The following ATP8A2 variants were observed in gnomAD, a reference collection of about 807,000 sequenced individuals.
ATP8A2 encodes the protein phospholipid-transporting ATPase IB.
A neutral mutation model predicts 165.6 loss-of-function variants in ATP8A2; 100 were observed. That is an observed-to-expected ratio of 0.60 (90% CI 0.51 to 0.71). The LOEUF (loss-of-function observed/expected upper bound fraction) is 0.71. Among genes scored for constraint, ATP8A2 ranks in the 30% least tolerant of loss-of-function variants. The pLI, the probability that ATP8A2 is intolerant of heterozygous loss-of-function variation, is 0.00. For synonymous variants in ATP8A2, 543 were observed against 548.8 expected (o/e 0.99, Z 0.15); for missense variants, 1,227 against 1,479.5 (o/e 0.83, Z 2.80).
At chr13:25,942,642 T>C (rs1465752887) in intron 33 of ATP8A2, among the ~76,000 whole-genome samples, 1 of 152,212 alleles carries the variant, frequency 6.6e-6, no homozygotes, top group Non-Finnish European at 1.5e-5. Context: ...CAGGCTGGTC[T>C]CAAATCCCTG....
intron 2 of ATP8A2, among the ~76,000 whole-genome samples, chr13:25,489,408 G>A (rs1336552290): frequency 6.6e-6 from 1 of 152,144 alleles, no homozygotes; most frequent in East Asian, 1.9e-4. Context: ...TTTCTTCCTC[G>A]TCCTGCATCT....
chr13:25,623,328 T>G (rs533626953), intron 24 of ATP8A2, among the ~76,000 whole-genome samples: 1 of 152,174 alleles, frequency 6.6e-6, no homozygotes, highest in East Asian at 1.9e-4. Flanking sequence ...CCCAGGAGTT[T>G]GAGGTTGTAG....
chr13:25,559,870 CAGGA>C, intron 15 of ATP8A2, 105 bp downstream of exon 15: 1 of 846,314 alleles, frequency 1.2e-6, no homozygotes, highest in Non-Finnish European at 1.9e-6. Flanking sequence ...CTCTATTGCA[CAGGA>C]TGGAGTGCAG....
chr13:25,469,615 C>G (rs1459561249), intron 2 of ATP8A2, among the ~76,000 whole-genome samples: 1 of 152,066 alleles, frequency 6.6e-6, no homozygotes. Flanking sequence ...GAAACTTTGC[C>G]CAGAGTTAGC....
intron 33 of ATP8A2, among the ~76,000 whole-genome samples, chr13:25,954,144 G>T (rs1231783289): frequency 6.6e-6 from 1 of 152,204 alleles, no homozygotes; most frequent in Admixed American, 6.5e-5. Context: ...GTCTGAAGTT[G>T]ACCTGGGACA....
rs144877276 is a variant in ATP8A2, at chr13:25,814,973, G to C, written c.2680-13145G>C. Among the ~76,000 whole-genome samples the C allele has an allele frequency of 3.0e-3, 464 of 152,142 alleles. 5 individuals are homozygous for C. Among genetic ancestry groups the C allele is most frequent in the African/African-American group, 0.01 (434 of 41,492 alleles). The stretch of plus-strand genomic sequence containing the variant: ...CCTGAGTCCTGGGGAGGCTGAGGCT[G>C]CAGTAGGCCGTGATTATACCACTGC... On this transcript the variant is annotated intron_variant, in intron 27 of 36. Coordinates refer to ENST00000381655, the MANE Select transcript of ATP8A2 (RefSeq NM_016529.6).
intron 35 of ATP8A2, among the ~76,000 whole-genome samples, chr13:25,984,267 A>G (rs2139266528): frequency 6.6e-6 from 1 of 151,896 alleles, no homozygotes; most frequent in East Asian, 1.9e-4. Flanking sequence ...GAGTAATGAA[A>G]AGTTTGGTGT....
rs144518199 is a variant in ATP8A2 at position 26,011,666 on chromosome 13, G to A, written c.3378-865G>A. Among the ~76,000 whole-genome samples the A allele has an allele frequency of 1.4e-4, 22 of 152,304 alleles. No homozygotes were observed. The East Asian group carries it at 4.1e-3, about 28-fold the overall frequency. ...AGAAATAAACAGACTGGGCATGGTG[G>A]CTCACACCTGTAATCCTAGCACTTT... is the stretch of plus-strand genomic sequence containing the variant. On this transcript the variant is annotated intron_variant, in intron 35 of 36. Coordinates refer to ENST00000381655, the MANE Select transcript of ATP8A2 (RefSeq NM_016529.6).
At chr13:25,983,507 C>T (rs545025889) in intron 35 of ATP8A2, among the ~76,000 whole-genome samples, 36 of 152,198 alleles carry the variant, frequency 2.4e-4, no homozygotes, top group African/African-American at 8.4e-4. Context: ...TTTAAAAATG[C>T]CTGTGAGTAG....
At chr13:25,973,595 A>G (rs183227669) in intron 35 of ATP8A2, among the ~76,000 whole-genome samples, 1 of 151,878 alleles carries the variant, frequency 6.6e-6, no homozygotes, top group Admixed American at 6.6e-5. Context: ...AACAACACAA[A>G]CTCCCGAATG....
chr13:25,395,610 A>T (rs2033394964), intron 1 of ATP8A2, among the ~76,000 whole-genome samples: 1 of 152,304 alleles, frequency 6.6e-6, no homozygotes, highest in African/African-American at 2.4e-5. Context: ...ATCATAGCTC[A>T]CTGCAGCCTT....
chr13:25,593,461 A>T lies in ATP8A2; in HGVS notation c.2211+3762A>T, dbSNP rs529671235. ...AAATAACTTCTAAGCTCCATAATATAGATGAGATCAGTGGTCTTTGAACAA... is the reference window on the plus strand; with the variant it reads ...AAATAACTTCTAAGCTCCATAATATTGATGAGATCAGTGGTCTTTGAACAA... On this transcript the variant is annotated intron_variant, in intron 24 of 36. Transcript: ENST00000381655. Among the ~76,000 whole-genome samples the T allele has an allele frequency of 1.2e-4, 19 of 152,320 alleles. No individual in the cohort carries two copies. The South Asian group carries it at 3.1e-3, about 25-fold the overall frequency.
At chr13:25,637,590 A>G (rs886428911) in intron 24 of ATP8A2, among the ~76,000 whole-genome samples, 3 of 152,182 alleles carry the variant, frequency 2.0e-5, no homozygotes, top group African/African-American at 7.2e-5. Context: ...AGGCTTGAGT[A>G]GGTAAACAAA....
chr13:25,558,574 G>A (rs1258149620), intron 13 of ATP8A2, among the ~76,000 whole-genome samples: 3 of 152,168 alleles, frequency 2.0e-5, no homozygotes, highest in Non-Finnish European at 4.4e-5. Flanking sequence ...CACTCAGCAA[G>A]TCCTGACGCC....
intron 30 of ATP8A2, among the ~76,000 whole-genome samples, chr13:25,844,364 G>A (rs1474109411): frequency 2.0e-5 from 3 of 151,946 alleles, no homozygotes; most frequent in Admixed American, 6.6e-5. Context: ...CTGAGTAGCT[G>A]GAATTACAGG....
chr13:25,386,250 C>G (rs945388172), intron 1 of ATP8A2, among the ~76,000 whole-genome samples: 1 of 152,158 alleles, frequency 6.6e-6, no homozygotes, highest in Non-Finnish European at 1.5e-5. Flanking sequence ...TAAAAGTCTG[C>G]TCACATCGGT....
intron 33 of ATP8A2, chr13:25,880,762 A>C: frequency 2.7e-6 from 1 of 367,446 alleles, no homozygotes; most frequent in Admixed American, 3.3e-5. Flanking sequence ...CCCCAAAGCT[A>C]TTCAGCATAA....
At chr13:25,429,371 TAAAAAAAAAAA>T (rs751056483) in intron 1 of ATP8A2, among the ~76,000 whole-genome samples, 1 of 126,006 alleles carries the variant, frequency 7.9e-6, no homozygotes, top group African/African-American at 3.6e-5. Flanking sequence ...GACTCCATCT[TAAAAAAAAAAA>T]AAAAAAAAAA....
chr13:25,580,079 C>G, intron 22 of ATP8A2, 132 bp downstream of exon 22: 1 of 1,056,054 alleles, frequency 9.5e-7, no homozygotes, highest in East Asian at 2.6e-5. Flanking sequence ...ACCGTTAGCT[C>G]TGAATCATTT....
Sources: allele counts gnomAD v4.1 joint callset (sites outside exome capture counted in the v4.1 genomes callset), GRCh38; gene constraint gnomAD v4.1.1; transcripts MANE v1.5; gene names NCBI Gene and HGNC (gene_info 2026-07-23, HGNC 2026-07-21).